VIPAS39: variants seen among roughly 807,000 people sequenced by gnomAD.
VIPAS39 encodes the protein spermatogenesis-defective protein 39 homolog.
A neutral mutation model predicts 84.7 loss-of-function variants in VIPAS39; 63 were observed. That is an observed-to-expected ratio of 0.74 (90% CI 0.61 to 0.92). The LOEUF is 0.92. Among genes scored for constraint, VIPAS39 ranks in the 40% least tolerant of loss-of-function variants. The pLI is 0.00. For synonymous variants in VIPAS39, 192 were observed against 216.5 expected, an observed-to-expected ratio of 0.89 and a Z score of 0.99; for missense variants, 499 against 604.5, an observed-to-expected ratio of 0.83 and a Z score of 1.83.
At position 77,439,182 on chromosome 14, in the gene VIPAS39, A is replaced by G. The variant is rs1020287973; in HGVS notation, c.763-1301T>C. Among the ~76,000 whole-genome samples the G allele has an allele frequency of 3.3e-5, 5 of 152,344 alleles. No individual in the cohort carries two copies. In the South Asian group the frequency reaches 6.2e-4, roughly 19 times the overall value. On this transcript the variant is annotated intron_variant, in intron 11 of 19. Transcript: ENST00000557658. ...TACAAGGTTGAAAAACTCAAAATCT[A>G]TATACAACAACATGCATGATAAATC... is the stretch of plus-strand genomic sequence containing the variant.
intron 2 of VIPAS39, 72 bp downstream of exon 2, chr14:77,453,938 C>T: frequency 1.4e-6 from 2 of 1,451,894 alleles, no homozygotes; most frequent in Non-Finnish European, 1.9e-6. Context: ...AGCCTAGTTA[C>T]CCAGAATGCA....
chr14:77,457,522 G>A lies in VIPAS39; in HGVS notation c.-28C>T, dbSNP rs140162641. 4.8e-4 allele frequency: 434 copies of A among 901,510 alleles called. 3 individuals are homozygous for A. In the East Asian group the frequency reaches 0.01, roughly 21 times the overall value. 55.8% of individuals were successfully genotyped at this position (901,510 alleles called of 1,614,324 possible). A position where few individuals can be genotyped will look rare whatever the true frequency, so the allele number is the denominator to read the frequency against. On this transcript the variant is annotated 5_prime_UTR_variant, in exon 1 of 20. Coordinates refer to ENST00000557658, the MANE Select transcript of VIPAS39 (RefSeq NM_001193315.2). ...CTTCCGCACAGAGCCCTCCCTCTCAGGACAGCGCCAGCCTCCGCCGCCGCT... is the reference window on the plus strand; with the variant it reads ...CTTCCGCACAGAGCCCTCCCTCTCAAGACAGCGCCAGCCTCCGCCGCCGCT...
intron 1 of VIPAS39, among the ~76,000 whole-genome samples, chr14:77,454,675 CA>C (rs529008875): frequency 1.0e-4 from 13 of 124,866 alleles, no homozygotes; most frequent in African/African-American, 1.8e-4. Flanking sequence ...ACTCCGTCTC[CA>C]AAAAAAAAAA....
At chr14:77,438,706 T>C (rs2078654517) in intron 11 of VIPAS39, among the ~76,000 whole-genome samples, 1 of 152,224 alleles carries the variant, frequency 6.6e-6, no homozygotes, top group Non-Finnish European at 1.5e-5. Context: ...AAGAGCTAAA[T>C]ACCTATTTCA....
At chr14:77,442,437 A>G in intron 10 of VIPAS39, 123 bp downstream of exon 10, 1 of 857,610 alleles carries the variant, frequency 1.2e-6, no homozygotes, top group Non-Finnish European at 2.0e-6. Flanking sequence ...TCACACTTCA[A>G]TAGCTTGTCT....
intron 1 of VIPAS39, among the ~76,000 whole-genome samples, chr14:77,456,655 T>G (rs929164951): frequency 3.3e-5 from 5 of 152,236 alleles, no homozygotes; most frequent in African/African-American, 1.2e-4. Context: ...TATTTTTCAC[T>G]TTCCAGAAAA....
intron 16 of VIPAS39, 65 bp from the exon 17 acceptor site, chr14:77,429,832 T>C (rs2078492057): frequency 2.8e-6 from 4 of 1,418,600 alleles, no homozygotes; most frequent in African/African-American, 1.4e-5. Flanking sequence ...TAGGTTAGTC[T>C]ATGTTTTACG....
chr14:77,440,183 T>C (rs2078678835), intron 11 of VIPAS39: 1 of 147,830 alleles, frequency 6.8e-6, no homozygotes, highest in Admixed American at 7.0e-5. Flanking sequence ...CGTGCTTGGC[T>C]GGAAATTCTT....
intron 4 of VIPAS39, among the ~76,000 whole-genome samples, chr14:77,450,736 T>G (rs1386241268): frequency 6.6e-6 from 1 of 152,198 alleles, no homozygotes; most frequent in Non-Finnish European, 1.5e-5. Context: ...CTAGAACTCT[T>G]GACCTCAGGT....
At chr14:77,433,408 C>T (rs1023454537) in intron 16 of VIPAS39, among the ~76,000 whole-genome samples, 2 of 152,136 alleles carry the variant, frequency 1.3e-5, no homozygotes, top group African/African-American at 4.8e-5. Context: ...ACCATGTTGG[C>T]CAGGATGGTC....
chr14:77,453,164 C>T (rs1594927938), intron 3 of VIPAS39, 135 bp downstream of exon 3: 5 of 959,020 alleles, frequency 5.2e-6, no homozygotes, highest in Non-Finnish European at 8.4e-6. Context: ...GTTAAGTTTC[C>T]AGATGTATGC....
chr14:77,447,351 T>TA (rs397816903), intron 7 of VIPAS39, among the ~76,000 whole-genome samples: 56 of 151,428 alleles, frequency 3.7e-4, no homozygotes, highest in Non-Finnish European at 6.8e-4. Flanking sequence ...TTTTTTTTTT[T>TA]ATCATTTGTA....
Position 77,435,905 on chromosome 14 carries a change from G to C in VIPAS39, c.851C>G (p.Ala284Gly). The change falls in exon 13 of 20, where the codon GCA becomes GGA. Residue 284 changes from alanine to glycine, a missense_variant. Coordinates refer to ENST00000557658, the MANE Select transcript of VIPAS39 (RefSeq NM_001193315.2). Reference protein sequence around the residue: ...LKTCVGLPFSAEDSAHIQDHY... With the variant: ...LKTCVGLPFSGEDSAHIQDHY... The stretch of plus-strand genomic sequence containing the variant: ...GTCCTGTATGTGTGCGGAATCTTCT[G>C]CTGAAAATGGCAAACTGGTAGAGTG... 1 of 1,614,126 alleles carries C rather than the reference G, an allele frequency of 6.2e-7. No individual in the cohort carries two copies. Among genetic ancestry groups the C allele is most frequent in the Non-Finnish European group, 8.5e-7 (1 of 1,179,990 alleles).
At chr14:77,430,430 A>G (rs1273668462) in intron 16 of VIPAS39, among the ~76,000 whole-genome samples, 1 of 152,150 alleles carries the variant, frequency 6.6e-6, no homozygotes, top group African/African-American at 2.4e-5. Flanking sequence ...GAAAAACAAA[A>G]TGGAGGCCAG....
intron 7 of VIPAS39, among the ~76,000 whole-genome samples, chr14:77,445,467 G>A (rs964334017): frequency 6.6e-6 from 1 of 151,998 alleles, no homozygotes; most frequent in Non-Finnish European, 1.5e-5. Context: ...GTATTGCCCA[G>A]GCTGGAGTGC....
At chr14:77,435,499 A>T in intron 13 of VIPAS39, 106 bp from the exon 14 acceptor site, 4 of 1,436,392 alleles carry the variant, frequency 2.8e-6, no homozygotes, top group Non-Finnish European at 2.8e-6. Flanking sequence ...CCACCCTAGG[A>T]GAGAAACAAA....
At chr14:77,452,405 C>T (rs982491944) in intron 3 of VIPAS39, among the ~76,000 whole-genome samples, 2 of 151,086 alleles carry the variant, frequency 1.3e-5, no homozygotes, top group Admixed American at 6.6e-5. Context: ...CACTGTAGAC[C>T]TTTAATTTTT....
chr14:77,457,134 G>A lies in VIPAS39; in HGVS notation c.-1+361C>T, dbSNP rs1478781949. On this transcript the variant is annotated intron_variant, in intron 1 of 19. Transcript: ENST00000557658. ...TGGTTTCAATTATCTTCCGAGCCAGGAAGATACAGGTGAGGCTTGTGAACT... is the reference window on the plus strand; with the variant it reads ...TGGTTTCAATTATCTTCCGAGCCAGAAAGATACAGGTGAGGCTTGTGAACT... The A allele has an allele frequency of 4.2e-6, 6 of 1,418,016 alleles. 1 individual carries two copies. The African/African-American group carries it at 4.3e-5, about 10-fold the overall frequency. The allele number at this position is 1,418,016 out of a possible 1,614,324, so 87.8% of individuals were successfully genotyped here.
chr14:77,449,646 A>G, intron 5 of VIPAS39, 68 bp downstream of exon 5: 2 of 1,597,670 alleles, frequency 1.3e-6, no homozygotes, highest in South Asian at 2.2e-5. Context: ...ACCTGTCCCC[A>G]TAACTCCCCA....
Sources: gnomAD v4.1 joint callset for allele counts (sites outside exome capture counted in the v4.1 genomes callset) on GRCh38, gnomAD v4.1.1 for gene constraint, MANE v1.5 for transcripts, NCBI Gene and HGNC (gene_info 2026-07-23, HGNC 2026-07-21) for gene names.